ZZEF1: variants seen among roughly 807,000 people sequenced by gnomAD.
ZZEF1 encodes zinc finger ZZ-type and EF-hand domain-containing protein 1.
A neutral mutation model predicts 342.8 loss-of-function variants in ZZEF1; 157 were observed. That is an observed-to-expected ratio of 0.46 (90% CI 0.40 to 0.52). The LOEUF is 0.52. ZZEF1 is among the 20% of genes least tolerant of loss of function. The pLI, the probability that ZZEF1 is intolerant of heterozygous loss-of-function variation, is 0.00. For synonymous variants in ZZEF1, 1,505 were observed against 1,429.1 expected (o/e 1.05, Z -1.20); for missense variants, 3,480 against 3,725.6 (o/e 0.93, Z 1.72).
chr17:4,033,465 A>C (rs2145060028), intron 40 of ZZEF1: 1 of 163,118 alleles, frequency 6.1e-6, no homozygotes, highest in African/African-American at 2.4e-5. Flanking sequence ...CTCCTGCCTC[A>C]GCTTCCGGAG....
At chr17:4,052,939 T>C (rs984393305) in intron 34 of ZZEF1, among the ~76,000 whole-genome samples, 6 of 152,092 alleles carry the variant, frequency 3.9e-5, no homozygotes, top group African/African-American at 1.4e-4. Context: ...AGGAAAGAGA[T>C]GGGCTGCACT....
chr17:4,019,241 A>G (rs1467547599), intron 46 of ZZEF1, among the ~76,000 whole-genome samples: 2 of 152,224 alleles, frequency 1.3e-5, no homozygotes, highest in Non-Finnish European at 2.9e-5. Context: ...GCAGATATGT[A>G]AAGTTCTACG....
chr17:4,024,185 G>GTTTTTTT lies in ZZEF1; in HGVS notation c.7092+733_7092+734insAAAAAAA, dbSNP rs1491483468. On this transcript the variant is annotated intron_variant, in intron 43 of 54. Coordinates refer to ENST00000381638, the MANE Select transcript of ZZEF1 (RefSeq NM_015113.4). ...TCATCTCCATGCCAAATATTGCCCA[G>GTTTTTTT]GTTTTTTTTTTTTTTTTTTTTTTTT... Among the ~76,000 whole-genome samples, 14 of 83,972 alleles carry GTTTTTTT rather than the reference G, an allele frequency of 1.7e-4. 1 individual carries two copies. Among genetic ancestry groups the GTTTTTTT allele is most frequent in the African/African-American group, 9.2e-4 (13 of 14,080 alleles). The allele number at this position is 83,972 out of a possible 152,430, so 55.1% of individuals were successfully genotyped here. A position where few individuals can be genotyped will look rare whatever the true frequency, so the allele number is the denominator to read the frequency against.
rs200131713 is a variant in ZZEF1 at position 4,077,902 on chromosome 17, G to C, written c.2970C>G (p.Ala990=). ...KSTDSGAKDL[A]VDLIEKYVGQ... ...ACTCACATTTTTCAATAAGGTCCACGGCAAGATCTTTGGCTCCAGAGTCCG... is the reference window on the plus strand; with the variant it reads ...ACTCACATTTTTCAATAAGGTCCACCGCAAGATCTTTGGCTCCAGAGTCCG... The change falls in exon 19 of 55, where the codon GCC becomes GCG. Residue 990 remains alanine, a synonymous_variant. Coordinates refer to ENST00000381638, the MANE Select transcript of ZZEF1 (RefSeq NM_015113.4). The C allele has an allele frequency of 2.5e-6, 4 of 1,613,942 alleles. No individual in the cohort carries two copies. The highest frequency in any genetic ancestry group is 3.4e-6 in the Non-Finnish European group (4 of 1,179,998).
intron 8 of ZZEF1, 141 bp downstream of exon 8, chr17:4,104,492 G>A (rs2058177526): frequency 1.2e-6 from 1 of 858,584 alleles, no homozygotes; most frequent in East Asian, 2.6e-5. Flanking sequence ...ATACTCAGAG[G>A]ATACGTTCAT....
rs201448403 is a variant in ZZEF1, at chr17:4,124,007, G to A, written c.399C>T (p.Ala133=). 33 of 1,613,684 alleles carry A rather than the reference G, an allele frequency of 2.0e-5. No individual in the cohort carries two copies. The highest frequency in any genetic ancestry group is 3.3e-4 in the Middle Eastern group (2 of 6,060). ...TCTTGAGGGCCTCCAACATGTTCTC[G>A]GCATCAACTGTCCCATCACCCTCAG... ...FDAEGDGTVD[A]ENMLEALKNS... is the part of the protein sequence containing the mutation. Residue 133 remains alanine (A), a synonymous_variant, in exon 2 of 55, where the codon GCC becomes GCT. Coordinates refer to ENST00000381638, the MANE Select transcript of ZZEF1 (RefSeq NM_015113.4).
At chr17:4,068,088 C>CA (rs1361110667) in intron 26 of ZZEF1, among the ~76,000 whole-genome samples, 2 of 151,540 alleles carry the variant, frequency 1.3e-5, no homozygotes, top group Admixed American at 6.6e-5. Context: ...TAAAAACAAA[C>CA]AAAAAAATAA....
chr17:4,060,376 C>A (rs1266046573), intron 30 of ZZEF1, among the ~76,000 whole-genome samples: 1 of 152,108 alleles, frequency 6.6e-6, no homozygotes, highest in Non-Finnish European at 1.5e-5. Context: ...ACCAGCCTGG[C>A]CAACATGGGG....
chr17:4,131,778 CA>C lies in ZZEF1; in HGVS notation c.355-7728del, dbSNP rs925960603. On this transcript the variant is annotated intron_variant, in intron 1 of 54. Coordinates refer to ENST00000381638, the MANE Select transcript of ZZEF1 (RefSeq NM_015113.4). ...TGGGTGACAGAGCAAGACCCTGTCT[CA>C]AAAAAAAAGAAAAACAAAAACATGG... Among the ~76,000 whole-genome samples the C allele has an allele frequency of 9.7e-4, 144 of 147,774 alleles. 5 individuals carry two copies. The highest frequency in any genetic ancestry group is 5.4e-4 in the Admixed American group (8 of 14,794).
At chr17:4,113,664 CAA>C (rs147181504) in intron 4 of ZZEF1, among the ~76,000 whole-genome samples, 4 of 127,872 alleles carry the variant, frequency 3.1e-5, no homozygotes, top group Admixed American at 7.8e-5. Context: ...GGCTCCATCT[CAA>C]AAAAAAAAAA....
rs2058879884 is a variant in ZZEF1 at position 4,142,572 on chromosome 17, G to A, written c.324C>T (p.Gly108=). The A allele has an allele frequency of 6.2e-7, 1 of 1,603,358 alleles. No individual in the cohort carries two copies. Among genetic ancestry groups the A allele is most frequent in the South Asian group, 1.1e-5 (1 of 91,004 alleles). ...EQFRELLEAR[G]AGCSSEQFEE... ...CGAACTGCTCGCTAGAGCAGCCGGC[G>A]CCGCGAGCCTCCAGCAGCTCCCGGA... The change falls in exon 1 of 55, where the codon GGC becomes GGT. Residue 108 remains glycine (G), a synonymous_variant. Coordinates refer to ENST00000381638, the MANE Select transcript of ZZEF1 (RefSeq NM_015113.4).
chr17:4,103,618 T>C (rs926309173), intron 8 of ZZEF1, among the ~76,000 whole-genome samples: 2 of 151,474 alleles, frequency 1.3e-5, no homozygotes, highest in Non-Finnish European at 2.9e-5. Context: ...AAGACGAAGG[T>C]AGAAACCTCA....
intron 30 of ZZEF1, 142 bp from the exon 31 acceptor site, chr17:4,059,432 A>G: frequency 2.0e-6 from 2 of 1,016,782 alleles, no homozygotes; most frequent in Non-Finnish European, 2.8e-6. Flanking sequence ...TACAAATATA[A>G]TACCTATAGA....
rs1555604408 is a variant in ZZEF1 at position 4,092,088 on chromosome 17, A to AAAAAT, written c.1914-1259_1914-1258insATTTT. Among the ~76,000 whole-genome samples, 95 of 144,992 alleles carry AAAAAT rather than the reference A, an allele frequency of 6.6e-4. 1 individual carries two copies. The highest frequency in any genetic ancestry group is 2.3e-3 in the African/African-American group (90 of 39,652). Reference sequence around the variant, plus strand: ...CGAAACTCCACCTCAAAAAAAAAAAAAATAATAAAAATAATATAAATAAAT... The same window carrying AAAAAT: ...CGAAACTCCACCTCAAAAAAAAAAAAAAAATAATAATAAAAATAATATAAATAAAT... On this transcript the variant is annotated intron_variant, in intron 11 of 54. Transcript: ENST00000381638.
In ZZEF1 at chr17:4,017,960, T is replaced by C; in HGVS notation, c.7517A>G (p.Asp2506Gly). Residue 2506 changes from aspartate (D) to glycine (G), a missense_variant, in exon 47 of 55, where the codon GAT becomes GGT. By Grantham distance (94) the Asp-to-Gly change is moderately conservative. This residue lies in a region of ZZEF1 where 1,269 missense variants were observed against 1,342.4 expected (regional missense o/e 0.95). Transcript: ENST00000381638. This position sits in a 1 kb window ranked among gnomAD's most constrained non-coding sequence, Gnocchi z 5.1. ...FLEVQKRFDG[D>G]ELTTDERIRS... is the part of the protein sequence containing the mutation. Reference sequence around the variant, plus strand: ...TATCCTTTCATCTGTGGTGAGCTCATCACCATCAAACCTGCAGAAGGGCAG... The same window carrying C: ...TATCCTTTCATCTGTGGTGAGCTCACCACCATCAAACCTGCAGAAGGGCAG... 1 of 1,613,572 alleles carries C rather than the reference T, an allele frequency of 6.2e-7. No individual in the cohort carries two copies. Among genetic ancestry groups the C allele is most frequent in the Non-Finnish European group, 8.5e-7 (1 of 1,180,028 alleles).
At chr17:4,131,020 C>T (rs2058655080) in intron 1 of ZZEF1, among the ~76,000 whole-genome samples, 1 of 152,126 alleles carries the variant, frequency 6.6e-6, no homozygotes, top group Non-Finnish European at 1.5e-5. Flanking sequence ...ACCCGGAAGT[C>T]ATTACTCAGC....
At chr17:4,021,462 G>A (rs987129982) in intron 44 of ZZEF1, 142 bp from the exon 45 acceptor site, 15 of 606,846 alleles carry the variant, frequency 2.5e-5, no homozygotes, top group Admixed American at 3.6e-5. Flanking sequence ...AAAGAAACAC[G>A]AATGTATGTT....
At position 4,082,509 on chromosome 17, in the gene ZZEF1, T is replaced by A. The variant is rs772549944; in HGVS notation, c.2647-5A>T. Reference sequence around the variant, plus strand: ...GTGCTCCTGCTCGGTGACATTCTTCTAGAAAACCAGAAATTGTATATTCAG... The same window carrying A: ...GTGCTCCTGCTCGGTGACATTCTTCAAGAAAACCAGAAATTGTATATTCAG... On this transcript the variant is annotated splice_region_variant and splice_polypyrimidine_tract_variant and intron_variant, in intron 16 of 54. Transcript: ENST00000381638. 1 of 1,613,638 alleles carries A rather than the reference T, an allele frequency of 6.2e-7. No homozygotes were observed.
intron 2 of ZZEF1, among the ~76,000 whole-genome samples, chr17:4,119,537 C>T (rs1165825016): frequency 2.0e-5 from 3 of 152,160 alleles, no homozygotes; most frequent in African/African-American, 7.2e-5. Context: ...CACTGCGTCC[C>T]GTTCTTTCCC....
Sources: allele counts gnomAD v4.1 joint callset (sites outside exome capture counted in the v4.1 genomes callset), GRCh38; gene constraint gnomAD v4.1.1; regional missense constraint gnomAD v4.1.1; non-coding constraint Gnocchi (gnomAD v3.1); transcripts MANE v1.5; gene names NCBI Gene and HGNC (gene_info 2026-07-23, HGNC 2026-07-21).